Variants in NSL1 observed in about 807,000 individuals in gnomAD.
NSL1 encodes the protein kinetochore-associated protein NSL1 homolog.
NSL1 carries 11 observed loss-of-function variants against 25.4 expected under a neutral mutation model. That is an observed-to-expected ratio of 0.43 (90% confidence interval 0.27 to 0.72). The LOEUF (loss-of-function observed/expected upper bound fraction) is 0.72, where lower values mean the gene tolerates loss of function less well. Ranked by LOEUF, NSL1 falls within the 30% of genes least tolerant of loss-of-function variation. NSL1 has a pLI of 0.19. For synonymous variants in NSL1, 118 were observed against 120.6 expected (o/e 0.98, Z 0.14); for missense variants, 330 against 342.7 (o/e 0.96, Z 0.29).
At chr1:212,766,396 ACT>A (rs373103090) in intron 4 of NSL1, 6 of 425,246 alleles carry the variant, frequency 1.4e-5, no homozygotes, top group African/African-American at 1.0e-4. Flanking sequence ...CCAAACTGTC[ACT>A]GTTTGCCAGT....
At chr1:212,752,654 C>T (rs1659119229) in intron 4 of NSL1, among the ~76,000 whole-genome samples, 1 of 152,142 alleles carries the variant, frequency 6.6e-6, no homozygotes, top group Admixed American at 6.5e-5. Flanking sequence ...TGGTGGACAG[C>T]TCATCAGTAG....
chr1:212,779,833 G>T (rs1270676808), intron 4 of NSL1, among the ~76,000 whole-genome samples: 23 of 136,120 alleles, frequency 1.7e-4, no homozygotes, highest in South Asian at 4.8e-4. Flanking sequence ...AGGGAGGTGG[G>T]GGGGTCAGCC....
At chr1:212,775,581 G>C (rs1218400049) in intron 4 of NSL1, among the ~76,000 whole-genome samples, 1 of 148,112 alleles carries the variant, frequency 6.8e-6, no homozygotes, top group Non-Finnish European at 1.5e-5. Context: ...AGGCAATATA[G>C]AAAGACCCCA....
intron 5 of NSL1, among the ~76,000 whole-genome samples, chr1:212,739,330 G>A (rs1292790525): frequency 6.6e-6 from 1 of 152,036 alleles, no homozygotes; most frequent in East Asian, 1.9e-4. Context: ...AAGAAGACAG[G>A]TATATTACCT....
rs59293969 is a variant in NSL1 at position 212,745,160 on chromosome 1, CTATATA to C, written c.500-5565_500-5560del. 5.8e-3 allele frequency among the ~76,000 whole-genome samples: 681 copies of C among 117,468 alleles called. 4 individuals carry two copies. Among genetic ancestry groups the C allele is most frequent in the African/African-American group, 0.018 (439 of 24,618 alleles). The allele number at this position is 117,468 out of a possible 152,430, so 77.1% of individuals were successfully genotyped here. A position where few individuals can be genotyped will look rare whatever the true frequency, so the allele number is the denominator to read the frequency against. The stretch of plus-strand genomic sequence containing the variant: ...CAAAACAAACAAACAAACAAACAAA[CTATATA>C]TATATATATATATATATATATATAT... On this transcript the variant is annotated intron_variant, in intron 4 of 5. Coordinates refer to ENST00000366977, the MANE Select transcript of NSL1 (RefSeq NM_015471.4).
In NSL1 at chr1:212,729,616, C is replaced by T. The variant is rs146068744; in HGVS notation, c.*8792G>A. On this transcript the variant is annotated 3_prime_UTR_variant, in exon 6 of 6. Coordinates refer to ENST00000366977, the MANE Select transcript of NSL1 (RefSeq NM_015471.4). ...CAGGATCAGAGGCAGGCACACAGGG[C>T]ATAGACAGAATATGACAAGTCAGAG... 9.5e-4 allele frequency: 932 copies of T among 985,364 alleles called. 4 individuals carry two copies. The African/African-American group carries it at 0.015, about 16-fold the overall frequency. 61.0% of individuals were successfully genotyped at this position (985,364 alleles called of 1,614,324 possible).
chr1:212,739,919 T>A (rs1375925220), intron 4 of NSL1, among the ~76,000 whole-genome samples: 1 of 152,202 alleles, frequency 6.6e-6, no homozygotes, highest in East Asian at 1.9e-4. Flanking sequence ...ATCACATTTT[T>A]AAATAAATAC....
intron 4 of NSL1, among the ~76,000 whole-genome samples, chr1:212,757,965 G>A (rs1004550203): frequency 1.3e-5 from 2 of 152,210 alleles, no homozygotes; most frequent in African/African-American, 2.4e-5. Flanking sequence ...CTGATGGACT[G>A]AGGATGTACA....
At chr1:212,779,343 C>T (rs1452196980) in intron 4 of NSL1, among the ~76,000 whole-genome samples, 1 of 140,768 alleles carries the variant, frequency 7.1e-6, no homozygotes, top group Non-Finnish European at 1.6e-5. Context: ...GGGGGGTCAG[C>T]CCCCCTCCCG....
chr1:212,780,135 A>C (rs567123880), intron 4 of NSL1, among the ~76,000 whole-genome samples: 1 of 151,572 alleles, frequency 6.6e-6, no homozygotes, highest in East Asian at 1.9e-4. Flanking sequence ...AGACATGGGA[A>C]ACTTTTCATT....
rs1294748235 is a variant in NSL1, at chr1:212,727,659, T to A, written c.*10749A>T. 3 of 985,242 alleles carry A rather than the reference T, an allele frequency of 3.0e-6. No individual in the cohort carries two copies. The East Asian group carries it at 3.4e-4, about 112-fold the overall frequency. 61.0% of individuals were successfully genotyped at this position (985,242 alleles called of 1,614,324 possible). A position where few individuals can be genotyped will look rare whatever the true frequency, so the allele number is the denominator to read the frequency against. On this transcript the variant is annotated 3_prime_UTR_variant, in exon 6 of 6. Coordinates refer to ENST00000366977, the MANE Select transcript of NSL1 (RefSeq NM_015471.4). ...AATTCAGAATTTACTATAATTATAA[T>A]CCTGAACAATCAGGACTGTTAGCTT...
At chr1:212,746,035 G>A (rs890863998) in intron 4 of NSL1, among the ~76,000 whole-genome samples, 14 of 152,136 alleles carry the variant, frequency 9.2e-5, no homozygotes, top group Non-Finnish European at 8.8e-5. Context: ...CCTGGACTAC[G>A]AAACTGCTAA....
At chr1:212,780,172 G>A (rs1486228267) in intron 4 of NSL1, among the ~76,000 whole-genome samples, 4 of 151,532 alleles carry the variant, frequency 2.6e-5, no homozygotes, top group Non-Finnish European at 4.4e-5. Context: ...AAAATTCTTC[G>A]GCCTTGGGAT....
chr1:212,785,639 G>T (rs190385339), intron 2 of NSL1, among the ~76,000 whole-genome samples: 207 of 152,094 alleles, frequency 1.4e-3, no homozygotes, highest in African/African-American at 3.9e-3. Context: ...CTGAGATGGG[G>T]CCCAGAAATG....
chr1:212,768,739 G>A (rs183911619), intron 4 of NSL1, among the ~76,000 whole-genome samples: 58 of 152,300 alleles, frequency 3.8e-4, no homozygotes, highest in African/African-American at 1.3e-3. Flanking sequence ...TTGTGGGGCT[G>A]AGGGAATAAA....
Position 212,736,846 on chromosome 1 carries a change from ACT to A in NSL1, c.*1560_*1561del. The A allele has an allele frequency of 1.0e-6, 1 of 985,184 alleles. No individual in the cohort carries two copies. Among genetic ancestry groups the A allele is most frequent in the Non-Finnish European group, 1.2e-6 (1 of 829,876 alleles). The allele number at this position is 985,184 out of a possible 1,614,324, so 61.0% of individuals were successfully genotyped here. On this transcript the variant is annotated 3_prime_UTR_variant, in exon 6 of 6. Transcript: ENST00000366977. Reference sequence around the variant, plus strand: ...AGCAAATCTATCATGTCATTTAAAAACTCTATGTAGCACAATATACCTCTCTT... The same window carrying A: ...AGCAAATCTATCATGTCATTTAAAAACTATGTAGCACAATATACCTCTCTT...
intron 4 of NSL1, among the ~76,000 whole-genome samples, chr1:212,751,672 T>C (rs1490572497): frequency 2.0e-5 from 3 of 151,516 alleles, no homozygotes; most frequent in African/African-American, 7.3e-5. Flanking sequence ...TTAAGTCCTT[T>C]ACATTTAAAA....
intron 4 of NSL1, among the ~76,000 whole-genome samples, chr1:212,768,632 A>G (rs1182300636): frequency 6.6e-6 from 1 of 152,200 alleles, no homozygotes; most frequent in African/African-American, 2.4e-5. Context: ...CAGAAAACCA[A>G]GCATTGTATG....
In NSL1 at chr1:212,737,683, T is replaced by C; in HGVS notation, c.*725A>G. The C allele has an allele frequency of 1.0e-6, 1 of 967,444 alleles. No homozygotes were observed. The highest frequency in any genetic ancestry group is 1.2e-6 in the Non-Finnish European group (1 of 813,644). The allele number at this position is 967,444 out of a possible 1,614,324, so 59.9% of individuals were successfully genotyped here. ...TTGTAAAGAAATAAATAAGAAACCC[T>C]AAAAAGAAACCATTAGTTCCAAGTC... On this transcript the variant is annotated 3_prime_UTR_variant, in exon 6 of 6. Transcript: ENST00000366977.
Sources: allele counts gnomAD v4.1 joint callset (sites outside exome capture counted in the v4.1 genomes callset), GRCh38; gene constraint gnomAD v4.1.1; transcripts MANE v1.5; gene names NCBI Gene and HGNC (gene_info 2026-07-23, HGNC 2026-07-21).